FOCAD: variants seen among roughly 807,000 people sequenced by gnomAD.
The protein encoded by FOCAD is focadhesin.
FOCAD carries 198 observed loss-of-function variants against 225.6 expected under a neutral mutation model. The observed-to-expected ratio is 0.88, with a 90% CI of 0.78 to 0.99. The LOEUF is 0.99. Among genes scored for constraint, FOCAD ranks in the 50% least tolerant of loss-of-function variants. The pLI is 0.00. For missense variants in FOCAD, 2,713 were observed against 2,123.6 expected (o/e 1.28, Z -5.46); for synonymous variants, 897 against 755.0 (o/e 1.19, Z -3.08).
At chr9:20,980,244 T>C (rs1233728332) in intron 37 of FOCAD, among the ~76,000 whole-genome samples, 1 of 152,104 alleles carries the variant, frequency 6.6e-6, no homozygotes, top group Non-Finnish European at 1.5e-5. Context: ...ATTATTTCCA[T>C]TTTAACAGAA....
chr9:20,775,888 T>C (rs895056866), intron 8 of FOCAD, among the ~76,000 whole-genome samples: 58 of 151,870 alleles, frequency 3.8e-4, no homozygotes, highest in Non-Finnish European at 8.8e-5. Flanking sequence ...TTATTTTATA[T>C]ATTTTATTTC....
At chr9:20,778,348 A>G (rs886324339) in intron 8 of FOCAD, among the ~76,000 whole-genome samples, 5 of 151,804 alleles carry the variant, frequency 3.3e-5, no homozygotes, top group Admixed American at 6.6e-5. Flanking sequence ...GGGTCAAGCA[A>G]TTGCCTCCTG....
At chr9:20,801,185 G>T (rs914942741) in intron 11 of FOCAD, among the ~76,000 whole-genome samples, 1 of 152,036 alleles carries the variant, frequency 6.6e-6, no homozygotes, top group African/African-American at 2.4e-5. Flanking sequence ...CAGTTAATGT[G>T]ACACAGCATG....
intron 15 of FOCAD, among the ~76,000 whole-genome samples, chr9:20,835,022 A>G (rs1587350176): frequency 6.6e-6 from 1 of 152,124 alleles, no homozygotes; most frequent in Admixed American, 6.6e-5. Context: ...TAGAAAATTT[A>G]AAAGGATACA....
chr9:20,876,741 G>C (rs1037951758), intron 19 of FOCAD, among the ~76,000 whole-genome samples: 2 of 152,074 alleles, frequency 1.3e-5, no homozygotes, highest in Non-Finnish European at 2.9e-5. Flanking sequence ...AAAAGAACCA[G>C]GAAAAAGTCA....
intron 8 of FOCAD, among the ~76,000 whole-genome samples, chr9:20,778,414 G>T (rs1229517754): frequency 2.0e-5 from 3 of 152,060 alleles, no homozygotes; most frequent in African/African-American, 7.2e-5. Flanking sequence ...TAGAGACGGG[G>T]TTTCACCAAG....
intron 11 of FOCAD, among the ~76,000 whole-genome samples, chr9:20,800,580 C>G (rs995808043): frequency 2.0e-5 from 3 of 152,088 alleles, no homozygotes; most frequent in African/African-American, 4.8e-5. Context: ...TTTCTCTTCT[C>G]GCTTCATTTC....
intron 11 of FOCAD, among the ~76,000 whole-genome samples, chr9:20,796,570 G>A (rs1208713986): frequency 6.6e-6 from 1 of 152,178 alleles, no homozygotes; most frequent in Non-Finnish European, 1.5e-5. Context: ...GGCCAGTGAT[G>A]ATGAGCATTT....
chr9:20,873,725 T>G (rs1303677868), intron 18 of FOCAD: 2 of 152,160 alleles, frequency 1.3e-5, no homozygotes, highest in Non-Finnish European at 2.9e-5. Flanking sequence ...TCTACCCCCC[T>G]GCAAGAATCC....
intron 15 of FOCAD, among the ~76,000 whole-genome samples, chr9:20,839,699 G>A (rs568992918): frequency 6.6e-6 from 1 of 151,710 alleles, no homozygotes; most frequent in South Asian, 2.1e-4. Flanking sequence ...ATAGTTAAGG[G>A]GTACACGAGA....
chr9:20,879,607 A>T (rs2131828114), intron 19 of FOCAD, among the ~76,000 whole-genome samples: 1 of 152,272 alleles, frequency 6.6e-6, no homozygotes, highest in African/African-American at 2.4e-5. Flanking sequence ...TTGAGAATTT[A>T]TGTCTGACAC....
chr9:20,942,722 A>G (rs1242396295), intron 28 of FOCAD, among the ~76,000 whole-genome samples: 2 of 152,188 alleles, frequency 1.3e-5, no homozygotes, highest in African/African-American at 4.8e-5. Flanking sequence ...TGCAGCAGAT[A>G]CTGTGGTAGG....
chr9:20,721,670 C>G (rs974540604), intron 4 of FOCAD, among the ~76,000 whole-genome samples: 1 of 152,046 alleles, frequency 6.6e-6, no homozygotes, highest in African/African-American at 2.4e-5. Flanking sequence ...CCACTGCACT[C>G]CAGCCTGGGT....
intron 15 of FOCAD, among the ~76,000 whole-genome samples, chr9:20,841,667 A>T (rs1207496141): frequency 6.6e-6 from 1 of 151,700 alleles, no homozygotes; most frequent in East Asian, 1.9e-4. Context: ...TAGTCTGGCT[A>T]AAGATTTGTC....
chr9:20,978,968 T>G (rs567008652), intron 37 of FOCAD, among the ~76,000 whole-genome samples: 29 of 152,218 alleles, frequency 1.9e-4, no homozygotes, highest in Non-Finnish European at 3.4e-4. Context: ...AGATCTCTAC[T>G]AGGCTGTTTA....
intron 24 of FOCAD, 124 bp from the exon 25 acceptor site, chr9:20,923,536 T>G: frequency 1.6e-6 from 1 of 641,030 alleles, no homozygotes; most frequent in Non-Finnish European, 2.8e-6. Flanking sequence ...CAGACCTGCA[T>G]TTACAAGACT....
Position 20,988,404 on chromosome 9 carries a change from C to G in FOCAD, c.4979C>G (p.Ser1660Cys), listed in dbSNP as rs1211734303. ...YIRNVAYQST[S>C]FHNTALDKAL... is the part of the protein sequence containing the mutation. ...AGAAATGTTGCTTACCAGTCAACAT[C>G]CTTTCACAATACGGCTCTTGACAAG... The change falls in exon 41 of 44, where the codon TCC (serine) becomes TGC (cysteine). Residue 1660 changes from serine to cysteine, a missense_variant. Physicochemically the swap from Ser to Cys is moderately radical, Grantham distance 112 (BLOSUM62 -1). Coordinates refer to ENST00000338382, the MANE Select transcript of FOCAD (RefSeq NM_001375567.1). The G allele has an allele frequency of 6.2e-7, 1 of 1,606,804 alleles. No homozygotes were observed. Among genetic ancestry groups the G allele is most frequent in the Non-Finnish European group, 8.5e-7 (1 of 1,174,458 alleles).
chr9:20,670,727 A>G (rs1359290019), intron 2 of FOCAD, among the ~76,000 whole-genome samples: 3 of 151,892 alleles, frequency 2.0e-5, no homozygotes, highest in African/African-American at 7.3e-5. Context: ...TCTGTATTTT[A>G]TAATAAGGAA....
intron 23 of FOCAD, 34 bp from the exon 24 acceptor site, chr9:20,916,859 A>T: frequency 6.3e-7 from 1 of 1,580,344 alleles, no homozygotes; most frequent in East Asian, 2.3e-5. Context: ...TTGTTCTAAC[A>T]TAAACTCTCG....
Sources: allele counts gnomAD v4.1 joint callset (sites outside exome capture counted in the v4.1 genomes callset), GRCh38; gene constraint gnomAD v4.1.1; transcripts MANE v1.5; gene names NCBI Gene and HGNC (gene_info 2026-07-23, HGNC 2026-07-21).